The following CDK13 variants were observed in gnomAD, a reference collection of about 807,000 sequenced individuals.
CDK13 encodes the protein cyclin-dependent kinase 13.
CDK13 carries 40 observed loss-of-function variants against 137.6 expected under a neutral mutation model. The ratio of observed to expected loss-of-function variants is 0.29; its 90% CI spans 0.23 to 0.38. The LOEUF (loss-of-function observed/expected upper bound fraction) is 0.38, where lower values mean the gene tolerates loss of function less well. CDK13 is among the 10% of genes least tolerant of loss of function. The pLI, the probability that CDK13 is intolerant of heterozygous loss-of-function variation, is 1.00. For synonymous variants in CDK13, 869 were observed against 760.1 expected (o/e 1.14, Z -2.36); for missense variants, 1,704 against 1,951.8 (o/e 0.87, Z 2.39).
At chr7:40,089,382 G>C (rs1584092403) in intron 12 of CDK13, among the ~76,000 whole-genome samples, 2 of 149,886 alleles carry the variant, frequency 1.3e-5, no homozygotes, top group South Asian at 2.1e-4. Context: ...AGATGTTGCA[G>C]TGAGCCAAGA....
At position 40,091,416 on chromosome 7, in the gene CDK13, G is replaced by A. The variant is rs180938648; in HGVS notation, c.3236-1369G>A. ...CGCGCCTGTAATCCCAGCTCCTAGTGGGGGCTGGGGCAGGAAAATTGCTTG... is the reference window on the plus strand; with the variant it reads ...CGCGCCTGTAATCCCAGCTCCTAGTAGGGGCTGGGGCAGGAAAATTGCTTG... On this transcript the variant is annotated intron_variant, in intron 12 of 13. Coordinates refer to ENST00000181839, the MANE Select transcript of CDK13 (RefSeq NM_003718.5). 5.8e-3 allele frequency among the ~76,000 whole-genome samples: 878 copies of A among 152,248 alleles called. 5 individuals carry two copies. Among genetic ancestry groups the A allele is most frequent in the Non-Finnish European group, 9.5e-3 (646 of 68,008 alleles).
At chr7:40,084,450 C>T (rs1460385233) in intron 11 of CDK13, among the ~76,000 whole-genome samples, 1 of 152,140 alleles carries the variant, frequency 6.6e-6, no homozygotes, top group Non-Finnish European at 1.5e-5. Flanking sequence ...TGCACTCCAC[C>T]CTGGGTGACA....
intron 7 of CDK13, among the ~76,000 whole-genome samples, chr7:40,055,825 T>G (rs965890486): frequency 6.6e-6 from 1 of 152,102 alleles, no homozygotes; most frequent in African/African-American, 2.4e-5. Context: ...CAAGCAATCC[T>G]TAGGCCTCTG....
At position 39,950,280 on chromosome 7, in the gene CDK13, C is replaced by T. The variant is rs1412952658; in HGVS notation, c.-362C>T. 1.9e-6 allele frequency: 2 copies of T among 1,064,902 alleles called. No individual in the cohort carries two copies. Among genetic ancestry groups the T allele is most frequent in the East Asian group, 6.2e-5 (1 of 16,132 alleles). The allele number at this position is 1,064,902 out of a possible 1,614,324, so 66.0% of individuals were successfully genotyped here. A position where few individuals can be genotyped will look rare whatever the true frequency, so the allele number is the denominator to read the frequency against. On this transcript the variant is annotated 5_prime_UTR_variant, in exon 1 of 14. Transcript: ENST00000181839. ...TACTTCCGCGTTGCGCTGCCCGAGC[C>T]GAGAGCGCGGCCAAGGCCGCTCCCC...
intron 5 of CDK13, among the ~76,000 whole-genome samples, chr7:40,010,397 T>G (rs541570238): frequency 1.2e-4 from 19 of 152,250 alleles, no homozygotes; most frequent in African/African-American, 4.3e-4. Context: ...TAAATACAGA[T>G]GGAGGACCAG....
intron 5 of CDK13, among the ~76,000 whole-genome samples, chr7:40,038,108 T>C (rs1225617957): frequency 1.3e-5 from 2 of 152,188 alleles, no homozygotes; most frequent in African/African-American, 4.8e-5. Flanking sequence ...TCCATTCTTC[T>C]TTTTCTTGTT....
rs182665378 is a variant in CDK13 at position 39,974,377 on chromosome 7, C to A, written c.1212-13222C>A. 1.2e-3 allele frequency among the ~76,000 whole-genome samples: 182 copies of A among 152,042 alleles called. 1 individual carries two copies. The highest frequency in any genetic ancestry group is 1.2e-3 in the East Asian group (6 of 5,162). On this transcript the variant is annotated intron_variant, in intron 1 of 13. Coordinates refer to ENST00000181839, the MANE Select transcript of CDK13 (RefSeq NM_003718.5). ...CAGCGCGCCTGGCCAGGGAGTATTA[C>A]CTTTTAACAATTTAAGTCATCTAAT...
At chr7:39,982,328 C>T (rs1784246655) in intron 1 of CDK13, among the ~76,000 whole-genome samples, 1 of 152,004 alleles carries the variant, frequency 6.6e-6, no homozygotes, top group South Asian at 2.1e-4. Context: ...ATCCATGTCC[C>T]TACAAAGGAC....
intron 7 of CDK13, among the ~76,000 whole-genome samples, chr7:40,060,567 T>C (rs1351718896): frequency 6.6e-6 from 1 of 152,204 alleles, no homozygotes; most frequent in Non-Finnish European, 1.5e-5. Context: ...TGTGTGGGGT[T>C]CATAATAAAG....
intron 1 of CDK13, among the ~76,000 whole-genome samples, chr7:39,983,081 T>C (rs1279476939): frequency 2.6e-5 from 4 of 152,218 alleles, no homozygotes; most frequent in African/African-American, 4.8e-5. Flanking sequence ...TTATTAGACA[T>C]GAAGTCCTTG....
intron 1 of CDK13, among the ~76,000 whole-genome samples, chr7:39,965,470 G>T (rs866121549): frequency 6.6e-6 from 1 of 152,010 alleles, no homozygotes; most frequent in African/African-American, 2.4e-5. Flanking sequence ...CATTTGCTTG[G>T]TAGATCTTCC....
intron 5 of CDK13, among the ~76,000 whole-genome samples, chr7:40,026,856 A>G (rs1253471629): frequency 6.6e-6 from 1 of 152,194 alleles, no homozygotes; most frequent in Non-Finnish European, 1.5e-5. Context: ...TTGCTTCAAG[A>G]TATTTCATTA....
chr7:39,991,545 T>C (rs1488517965), intron 2 of CDK13, among the ~76,000 whole-genome samples: 2 of 151,446 alleles, frequency 1.3e-5, no homozygotes, highest in Non-Finnish European at 2.9e-5. Context: ...CTCTTGATTT[T>C]GCAAACCTGT....
chr7:40,021,150 C>CACAT lies in CDK13; in HGVS notation c.2353+19120_2353+19121insCATA, dbSNP rs1562733223. ...ACACACACACACACACACACACACA[C>CACAT]ATAAAGTTTTAAGTCTGAAATTCCC... On this transcript the variant is annotated intron_variant, in intron 5 of 13. Coordinates refer to ENST00000181839, the MANE Select transcript of CDK13 (RefSeq NM_003718.5). Among the ~76,000 whole-genome samples, 45 of 150,556 alleles carry CACAT rather than the reference C, an allele frequency of 3.0e-4. 1 individual carries two copies. The South Asian group carries it at 8.8e-3, about 30-fold the overall frequency.
At chr7:40,014,773 C>A (rs544429614) in intron 5 of CDK13, among the ~76,000 whole-genome samples, 4 of 152,094 alleles carry the variant, frequency 2.6e-5, no homozygotes, top group Non-Finnish European at 5.9e-5. Context: ...ATTTCTTTAA[C>A]CATACATTTT....
In CDK13 at chr7:39,951,645, T is replaced by A; in HGVS notation, c.1004T>A (p.Leu335Gln). ...GTGTCCCACAGGGCCTCTCAGAGCC[T>A]GAGGAGCCGCAAGTCCCCCAGCCCG... ...SPVSHRASQS[L>Q]RSRKSPSPAG... The change falls in exon 1 of 14, where the codon CTG becomes CAG. Residue 335 changes from leucine (L) to glutamine (Q), a missense_variant. Physicochemically the swap from Leu to Gln is moderately radical, Grantham distance 113 (BLOSUM62 -2). This residue lies in a region of CDK13 where 1,051 missense variants were observed against 931.0 expected (regional missense o/e 1.13). Coordinates refer to ENST00000181839, the MANE Select transcript of CDK13 (RefSeq NM_003718.5). 2 of 1,473,286 alleles carry A rather than the reference T, an allele frequency of 1.4e-6. No individual in the cohort carries two copies. Among genetic ancestry groups the A allele is most frequent in the Non-Finnish European group, 1.8e-6 (2 of 1,116,078 alleles). The allele number at this position is 1,473,286 out of a possible 1,614,324, so 91.3% of individuals were successfully genotyped here.
chr7:39,980,949 A>T (rs1050535783), intron 1 of CDK13, among the ~76,000 whole-genome samples: 1 of 152,196 alleles, frequency 6.6e-6, no homozygotes, highest in Non-Finnish European at 1.5e-5. Flanking sequence ...ATTTGGGAAA[A>T]CCTGTTAGAA....
intron 1 of CDK13, among the ~76,000 whole-genome samples, chr7:39,961,128 G>A (rs1342169193): frequency 6.6e-6 from 1 of 152,062 alleles, no homozygotes; most frequent in Non-Finnish European, 1.5e-5. Flanking sequence ...GGAGGCCAAG[G>A]TGGATGGATT....
intron 1 of CDK13, chr7:39,952,909 C>T (rs560129593): frequency 6.6e-6 from 1 of 152,246 alleles, no homozygotes; most frequent in African/African-American, 2.4e-5. Flanking sequence ...TTAAAAACAA[C>T]TTTCGAGTAT....
Sources: gnomAD v4.1 joint callset for allele counts (sites outside exome capture counted in the v4.1 genomes callset) on GRCh38, gnomAD v4.1.1 for gene constraint, gnomAD v4.1.1 regional missense constraint, MANE v1.5 for transcripts, NCBI Gene and HGNC (gene_info 2026-07-23, HGNC 2026-07-21) for gene names.